The following PCTP variants were observed in gnomAD, a reference collection of about 807,000 sequenced individuals.
The protein encoded by PCTP is START domain-containing protein 2.
Under a neutral mutation model 31.0 loss-of-function variants are expected in PCTP, and 27 were observed. That is an observed-to-expected ratio of 0.87 (90% CI 0.64 to 1.20). PCTP has a LOEUF of 1.20. PCTP is among the 50% of genes most tolerant of loss of function. The probability of loss-of-function intolerance (pLI) is 0.00; values close to 1 mark genes in which losing one functional copy is unlikely to be tolerated. For missense variants in PCTP, 287 were observed against 268.2 expected (o/e 1.07, Z -0.49); for synonymous variants, 108 against 101.2 (o/e 1.07, Z -0.40).
At chr17:55,783,557 C>T (rs560277183) in intron 2 of PCTP, among the ~76,000 whole-genome samples, 5 of 152,312 alleles carry the variant, frequency 3.3e-5, no homozygotes, top group African/African-American at 1.2e-4. Flanking sequence ...GCAGGGCATA[C>T]AGCAACTTTT....
At chr17:55,752,063 C>T (rs937761791) in intron 1 of PCTP, among the ~76,000 whole-genome samples, 1 of 152,154 alleles carries the variant, frequency 6.6e-6, no homozygotes, top group Non-Finnish European at 1.5e-5. Flanking sequence ...GGTTAAACCC[C>T]AGGTTTCATA....
At chr17:55,751,553 A>G in intron 1 of PCTP, 1 of 1,408,632 alleles carries the variant, frequency 7.1e-7, no homozygotes. Context: ...AGGCCCGTGC[A>G]CACGTCTGCA....
chr17:55,791,813 C>T (rs1911993035), intron 3 of PCTP, among the ~76,000 whole-genome samples: 1 of 151,990 alleles, frequency 6.6e-6, no homozygotes. Context: ...TGGGTATATA[C>T]CCAAAGGACT....
intron 3 of PCTP, among the ~76,000 whole-genome samples, chr17:55,809,320 T>TAC (rs1369208911): frequency 1.3e-5 from 2 of 152,212 alleles, no homozygotes; most frequent in Non-Finnish European, 2.9e-5. Context: ...TATATGATAT[T>TAC]ACATCTATTA....
chr17:55,767,467 CT>C lies in PCTP; in HGVS notation c.259+19del, dbSNP rs753597314. 59 of 1,406,800 alleles carry C rather than the reference CT, an allele frequency of 4.2e-5. No individual in the cohort carries two copies. In the Admixed American group the frequency reaches 1.3e-3, roughly 31 times the overall value. 87.1% of individuals were successfully genotyped at this position (1,406,800 alleles called of 1,614,324 possible). The stretch of plus-strand genomic sequence containing the variant: ...GTATGTTAAAGGTGAGTGATGCTTG[CT>C]TTTCTTTTTTTTTTAGACGTACTTT... On this transcript the variant is annotated intron_variant, in intron 2 of 5. Coordinates refer to ENST00000268896, the MANE Select transcript of PCTP (RefSeq NM_021213.4).
downstream of PCTP, among the ~76,000 whole-genome samples, chr17:55,844,711 G>A (rs1443289975): frequency 6.6e-6 from 1 of 152,072 alleles, no homozygotes. Flanking sequence ...AAAACTTGCT[G>A]AAACTCTCAA....
At chr17:55,783,805 T>C (rs1156867893) in intron 2 of PCTP, among the ~76,000 whole-genome samples, 3 of 152,222 alleles carry the variant, frequency 2.0e-5, no homozygotes, top group Non-Finnish European at 4.4e-5. Flanking sequence ...TTTAAGCTGT[T>C]GTAAACAGCA....
chr17:55,775,524 G>A, intron 5 of PCTP: 1 of 1,178,850 alleles, frequency 8.5e-7, no homozygotes, highest in Non-Finnish European at 1.1e-6. Flanking sequence ...AGGAAGCCAT[G>A]CATTTCTTCC....
downstream of PCTP, among the ~76,000 whole-genome samples, chr17:55,779,508 C>G (rs373080573): frequency 1.3e-5 from 2 of 152,128 alleles, no homozygotes; most frequent in East Asian, 3.9e-4. Context: ...GTGGCTGGAG[C>G]GCTGACATGA....
chr17:55,768,444 C>T (rs923156806), intron 2 of PCTP, among the ~76,000 whole-genome samples: 32 of 152,212 alleles, frequency 2.1e-4, no homozygotes, highest in Admixed American at 1.0e-3. Flanking sequence ...GACAGGATGA[C>T]TGGTTAAGAG....
chr17:55,813,058 A>G lies in PCTP; in HGVS notation c.318-9703A>G, dbSNP rs182645927. ...CTCAGTTCCTCACTTCTTGGTACCA[A>G]AGGGGTTGGGTTGTGCCTTGCAAAG... On this transcript the variant is annotated intron_variant, in intron 3 of 3. Transcript: ENST00000572536. 1.6e-3 allele frequency among the ~76,000 whole-genome samples: 249 copies of G among 152,196 alleles called. 1 individual carries two copies. The highest frequency in any genetic ancestry group is 5.6e-3 in the African/African-American group (233 of 41,528).
rs138960161 is a variant in PCTP, at chr17:55,837,711, C to T, written n.506-5016C>T. Among the ~76,000 whole-genome samples, 539 of 152,272 alleles carry T rather than the reference C, an allele frequency of 3.5e-3. 5 individuals are homozygous for T. Among genetic ancestry groups the T allele is most frequent in the Middle Eastern group, 6.8e-3 (2 of 294 alleles). On this transcript the variant is annotated intron_variant and non_coding_transcript_variant, in intron 5 of 5. Transcript: ENST00000576221. Reference sequence around the variant, plus strand: ...CATCCTCAAATCCATCATATCTCTCCATGTCTGTAACCATCTTCTGACAGA... The same window carrying T: ...CATCCTCAAATCCATCATATCTCTCTATGTCTGTAACCATCTTCTGACAGA...
At chr17:55,771,983 T>C (rs925265287) in intron 3 of PCTP, among the ~76,000 whole-genome samples, 5 of 152,154 alleles carry the variant, frequency 3.3e-5, no homozygotes, top group Non-Finnish European at 5.9e-5. Context: ...AAAAAAAAGT[T>C]TGGAAGCCAC....
At chr17:55,763,463 A>C (rs1489816984) in intron 1 of PCTP, among the ~76,000 whole-genome samples, 2 of 152,096 alleles carry the variant, frequency 1.3e-5, no homozygotes. Flanking sequence ...AAATAGAATT[A>C]TGGACCAATT....
chr17:55,852,649 G>A, the PCTP span, among the ~76,000 whole-genome samples: 138 of 152,248 alleles, frequency 9.1e-4, no homozygotes, highest in African/African-American at 3.0e-3. Flanking sequence ...CCAGGTTTGA[G>A]TATTTCTCTA....
intron 1 of PCTP, among the ~76,000 whole-genome samples, chr17:55,755,310 C>G (rs866337034): frequency 6.6e-6 from 1 of 152,168 alleles, no homozygotes; most frequent in Non-Finnish European, 1.5e-5. Flanking sequence ...GGTGGCCAAC[C>G]TAAGGCCAAA....
At chr17:55,755,053 A>G (rs544325761) in intron 1 of PCTP, among the ~76,000 whole-genome samples, 21 of 152,326 alleles carry the variant, frequency 1.4e-4, no homozygotes, top group African/African-American at 5.1e-4. Context: ...AGGAGACCAG[A>G]GACAATTTGT....
intron 3 of PCTP, among the ~76,000 whole-genome samples, chr17:55,820,543 C>G (rs1169812016): frequency 2.0e-5 from 3 of 152,166 alleles, no homozygotes; most frequent in Admixed American, 6.5e-5. Flanking sequence ...GAGGATTCTA[C>G]TCTCATAACT....
chr17:55,783,127 C>T (rs538863686), intron 2 of PCTP, among the ~76,000 whole-genome samples: 1 of 152,130 alleles, frequency 6.6e-6, no homozygotes, highest in East Asian at 1.9e-4. Context: ...AAAGAGGGAA[C>T]ACTGAGGACA....
Sources: gnomAD v4.1 joint callset for allele counts (sites outside exome capture counted in the v4.1 genomes callset) on GRCh38, gnomAD v4.1.1 for gene constraint, MANE v1.5 for transcripts, NCBI Gene and HGNC (gene_info 2026-07-23, HGNC 2026-07-21) for gene names.